Variants in NTM observed in about 807,000 individuals in gnomAD.
NTM encodes IgLON family member 2.
A neutral mutation model predicts 42.1 loss-of-function variants in NTM; 13 were observed. The ratio of observed to expected loss-of-function variants is 0.31; its 90% CI spans 0.20 to 0.49. The LOEUF is 0.49. NTM is among the 20% of genes least tolerant of loss of function. The pLI is 0.99. For synonymous variants in NTM, 187 were observed against 179.2 expected (o/e 1.04, Z -0.35); for missense variants, 373 against 452.8 (o/e 0.82, Z 1.60).
chr11:132,214,738 G>A (rs2083491635), intron 4 of NTM, among the ~76,000 whole-genome samples: 1 of 152,128 alleles, frequency 6.6e-6, no homozygotes, highest in Non-Finnish European at 1.5e-5. Flanking sequence ...TTTCCCAAGG[G>A]AACTTTTGCC....
Position 131,956,587 on chromosome 11 carries a change from C to T in NTM, c.167+44939C>T, listed in dbSNP as rs78173083. Among the ~76,000 whole-genome samples the T allele has an allele frequency of 4.3e-3, 647 of 151,782 alleles. 4 individuals are homozygous for T. Among genetic ancestry groups the T allele is most frequent in the African/African-American group, 0.015 (610 of 41,350 alleles). On this transcript the variant is annotated intron_variant, in intron 2 of 8. Transcript: ENST00000683400. ...GGTACTGCCGAGACTGGGTTCCTTT[C>T]ATCGGTGTCTCGGGGGGTTGGGGGT...
At chr11:131,745,737 G>A (rs1170959357) in intron 1 of NTM, among the ~76,000 whole-genome samples, 1 of 152,012 alleles carries the variant, frequency 6.6e-6, no homozygotes, top group Admixed American at 6.6e-5. Flanking sequence ...AAAAAAATGA[G>A]ACAAATGAGA....
At chr11:131,686,740 G>A (rs111648915) in intron 1 of NTM, among the ~76,000 whole-genome samples, 1,901 of 152,226 alleles carry the variant, frequency 0.012, 51 homozygotes, top group African/African-American at 0.042. Context: ...ACCTGAATAC[G>A]GCCATAACGA....
chr11:132,333,952 G>T (rs1444532334), intron 8 of NTM, among the ~76,000 whole-genome samples: 1 of 152,240 alleles, frequency 6.6e-6, no homozygotes. Context: ...GAGCATCCAA[G>T]TCAGGCAGGC....
rs1050633866 is a variant in NTM at position 131,694,713 on chromosome 11, A to G, written c.83-216851A>G. Among the ~76,000 whole-genome samples the G allele has an allele frequency of 2.6e-5, 4 of 152,176 alleles. No individual in the cohort carries two copies. In the South Asian group the frequency reaches 8.3e-4, roughly 32 times the overall value. ...GAGCCGAGACTGGACGTGTGGACAGAGGAGCTCTCGCTGAAGGAGCAGATT... is the reference window on the plus strand; with the variant it reads ...GAGCCGAGACTGGACGTGTGGACAGGGGAGCTCTCGCTGAAGGAGCAGATT... On this transcript the variant is annotated intron_variant, in intron 1 of 8. Transcript: ENST00000683400.
At position 132,310,244 on chromosome 11, in the gene NTM, T is replaced by C. The variant is rs2095240820; in HGVS notation, c.782+12T>C. The stretch of plus-strand genomic sequence containing the variant: ...AAGGATGACAAAAGGTAAAGCTTCC[T>C]TCTTTCCTATCCCACCCCTACCCCC... On this transcript the variant is annotated intron_variant, in intron 6 of 8. Coordinates refer to ENST00000683400, the MANE Select transcript of NTM (RefSeq NM_001352005.2). 2.1e-5 allele frequency: 34 copies of C among 1,588,196 alleles called. No homozygotes were observed. Among genetic ancestry groups the C allele is most frequent in the Non-Finnish European group, 2.8e-5 (33 of 1,170,892 alleles).
chr11:132,315,008 A>ATGTT (rs1452196775), intron 7 of NTM: 4 of 1,138,928 alleles, frequency 3.5e-6, no homozygotes, highest in Non-Finnish European at 4.3e-6. Context: ...AAGAATGTTC[A>ATGTT]TGTTTCATTC....
chr11:131,839,392 G>A (rs1259217413), intron 1 of NTM, among the ~76,000 whole-genome samples: 1 of 152,206 alleles, frequency 6.6e-6, no homozygotes, highest in African/African-American at 2.4e-5. Flanking sequence ...ATAAGCTGAT[G>A]TTAGAGCAAA....
At chr11:131,621,262 A>G (rs1281661468) in intron 1 of NTM, among the ~76,000 whole-genome samples, 1 of 152,192 alleles carries the variant, frequency 6.6e-6, no homozygotes, top group Non-Finnish European at 1.5e-5. Context: ...TCCCCTAAAA[A>G]CTAGGATTCT....
At chr11:132,226,817 T>C (rs1004602086) in intron 4 of NTM, among the ~76,000 whole-genome samples, 12 of 152,194 alleles carry the variant, frequency 7.9e-5, no homozygotes, top group Non-Finnish European at 1.2e-4. Flanking sequence ...AGTTCATTGA[T>C]TGATTAGATG....
chr11:131,799,939 T>G (rs1348533909), intron 1 of NTM, among the ~76,000 whole-genome samples: 2 of 152,190 alleles, frequency 1.3e-5, no homozygotes, highest in African/African-American at 4.8e-5. Context: ...TTTTTCTAAC[T>G]TTGATGAAAC....
Position 131,713,038 on chromosome 11 carries a change from G to A in NTM, c.83-198526G>A, listed in dbSNP as rs569071665. ...AGGTTGCAGGCCTGCTCATGGTGGTGTGTATGTCTCCAGTATTGTGTCTCA... is the reference window on the plus strand; with the variant it reads ...AGGTTGCAGGCCTGCTCATGGTGGTATGTATGTCTCCAGTATTGTGTCTCA... On this transcript the variant is annotated intron_variant, in intron 1 of 8. Transcript: ENST00000683400. Among the ~76,000 whole-genome samples, 308 of 152,258 alleles carry A rather than the reference G, an allele frequency of 2.0e-3. 4 individuals are homozygous for A. The highest frequency in any genetic ancestry group is 7.0e-3 in the African/African-American group (292 of 41,558).
At chr11:131,904,958 A>G (rs191054335) in intron 1 of NTM, among the ~76,000 whole-genome samples, 1 of 151,508 alleles carries the variant, frequency 6.6e-6, no homozygotes, top group East Asian at 1.9e-4. Flanking sequence ...TATGCTGTGA[A>G]CTCTAAGAGC....
At chr11:131,950,223 A>T in intron 2 of NTM, among the ~76,000 whole-genome samples, 1 of 152,152 alleles carries the variant, frequency 6.6e-6, no homozygotes, top group East Asian at 1.9e-4. Flanking sequence ...AATGTATGGC[A>T]GGTGACCCAG....
chr11:132,080,929 T>A (rs1172401822), intron 2 of NTM, among the ~76,000 whole-genome samples: 1 of 152,188 alleles, frequency 6.6e-6, no homozygotes, highest in African/African-American at 2.4e-5. Context: ...CAGTGCTAGA[T>A]ACAGTAAAAA....
At chr11:131,732,754 G>T (rs915871597) in intron 1 of NTM, among the ~76,000 whole-genome samples, 1 of 152,162 alleles carries the variant, frequency 6.6e-6, no homozygotes, top group Non-Finnish European at 1.5e-5. Flanking sequence ...TCTTAGCGGA[G>T]TCTATTTGTG....
chr11:131,579,600 G>T (rs926092814), intron 1 of NTM, among the ~76,000 whole-genome samples: 2 of 152,182 alleles, frequency 1.3e-5, no homozygotes, highest in African/African-American at 4.8e-5. Context: ...ATGGGAGGAA[G>T]ACCTCTTACA....
chr11:131,410,334 A>G (rs1946241969), intron 1 of NTM, among the ~76,000 whole-genome samples: 4 of 151,736 alleles, frequency 2.6e-5, no homozygotes, highest in Admixed American at 2.0e-4. Flanking sequence ...ATAAATTAAT[A>G]AATTAGCCAG....
intron 2 of NTM, among the ~76,000 whole-genome samples, chr11:132,104,489 C>T (rs749675019): frequency 1.3e-5 from 2 of 151,804 alleles, no homozygotes; most frequent in Non-Finnish European, 2.9e-5. Flanking sequence ...CAGTGACTCA[C>T]ATCTCTAATT....
Sources: gnomAD v4.1 joint callset for allele counts (sites outside exome capture counted in the v4.1 genomes callset) on GRCh38, gnomAD v4.1.1 for gene constraint, MANE v1.5 for transcripts, NCBI Gene and HGNC (gene_info 2026-07-23, HGNC 2026-07-21) for gene names.